Variants in JCHAIN observed in about 807,000 individuals in gnomAD.
JCHAIN encodes the protein immunoglobulin J chain.
Under a neutral mutation model 11.1 loss-of-function variants are expected in JCHAIN, and 5 were observed. That is an observed-to-expected ratio of 0.45 (90% CI 0.24 to 0.95). The LOEUF (loss-of-function observed/expected upper bound fraction) is 0.95. Ranked by LOEUF, JCHAIN falls within the 40% of genes least tolerant of loss-of-function variation. The pLI is 0.21. For synonymous variants in JCHAIN, 51 were observed against 67.8 expected, an observed-to-expected ratio of 0.75 and a Z score of 1.22; for missense variants, 165 against 192.7, an observed-to-expected ratio of 0.86 and a Z score of 0.85.
At position 70,656,120 on chromosome 4, in the gene JCHAIN, G is replaced by C; in HGVS notation, c.*209C>G. On this transcript the variant is annotated 3_prime_UTR_variant, in exon 4 of 4. Coordinates refer to ENST00000254801, the MANE Select transcript of JCHAIN (RefSeq NM_144646.4). ...TAATTGGAAGATTTTGATACTTAGAGTATGAACATATAATTAAGAAGTGAT... is the reference window on the plus strand; with the variant it reads ...TAATTGGAAGATTTTGATACTTAGACTATGAACATATAATTAAGAAGTGAT... The C allele has an allele frequency of 1.8e-6, 1 of 548,244 alleles. No homozygotes were observed. Among genetic ancestry groups the C allele is most frequent in the Admixed American group, 3.4e-5 (1 of 29,248 alleles). 34.0% of individuals were successfully genotyped at this position (548,244 alleles called of 1,614,324 possible). A position where few individuals can be genotyped will look rare whatever the true frequency, so the allele number is the denominator to read the frequency against.
chr4:70,662,889 G>A lies in JCHAIN; in HGVS notation c.65-674C>T, dbSNP rs190723932. On this transcript the variant is annotated intron_variant, in intron 1 of 3. Coordinates refer to ENST00000254801, the MANE Select transcript of JCHAIN (RefSeq NM_144646.4). The stretch of plus-strand genomic sequence containing the variant: ...CAGGAGAATCACTTGAACCTGGGAG[G>A]TGGAGGTTGCAGTGAGCCAAGATCG... 5.0e-3 allele frequency among the ~76,000 whole-genome samples: 760 copies of A among 152,020 alleles called. 11 individuals carry two copies. Among genetic ancestry groups the A allele is most frequent in the African/African-American group, 0.018 (728 of 41,472 alleles).
In JCHAIN at chr4:70,656,419, C is replaced by T. The variant is rs554652827; in HGVS notation, c.390G>A (p.Lys130=). Residue 130 remains lysine, a synonymous_variant, in exon 4 of 4, where the codon AAG becomes AAA. Transcript: ENST00000254801. ...TETCYTYDRN[K]CYTAVVPLVY... is the part of the protein sequence containing the mutation. ...CGAGTGGGACCACAGCTGTGTAGCA[C>T]TTGTTTCTGTCATAAGTGTAGCAGG... 1.2e-6 allele frequency: 2 copies of T among 1,614,030 alleles called. No homozygotes were observed. The highest frequency in any genetic ancestry group is 4.5e-5 in the East Asian group (2 of 44,876).
intron 1 of JCHAIN, among the ~76,000 whole-genome samples, chr4:70,664,524 T>C (rs116058023): frequency 7.6e-4 from 116 of 152,312 alleles, no homozygotes; most frequent in African/African-American, 2.6e-3. Context: ...TTGTAATTGT[T>C]TGAAGTACTT....
chr4:70,661,981 T>A, intron 2 of JCHAIN, 111 bp downstream of exon 2: 1 of 1,025,948 alleles, frequency 9.7e-7, no homozygotes, highest in African/African-American at 1.6e-5. Flanking sequence ...TGTAAAGTGC[T>A]ACACAGCAAA....
At chr4:70,665,232 C>T (rs542611709) in intron 1 of JCHAIN, among the ~76,000 whole-genome samples, 15 of 152,256 alleles carry the variant, frequency 9.9e-5, no homozygotes, top group Middle Eastern at 3.4e-3. Context: ...GTTCTGCTTA[C>T]ACTCTTGCTT....
chr4:70,660,091 C>T (rs1334328305), intron 2 of JCHAIN, among the ~76,000 whole-genome samples: 3 of 152,022 alleles, frequency 2.0e-5, no homozygotes, highest in Admixed American at 1.3e-4. Context: ...GAGGTTTAAA[C>T]GTAAGATAGA....
chr4:70,665,955 A>G, intron 1 of JCHAIN: 1 of 262,294 alleles, frequency 3.8e-6, no homozygotes. Flanking sequence ...GGCAACCTGT[A>G]TAACATTAAA....
chr4:70,666,272 G>A (rs1739151581), intron 1 of JCHAIN, among the ~76,000 whole-genome samples, 155 bp downstream of exon 1: 2 of 152,122 alleles, frequency 1.3e-5, no homozygotes, highest in Admixed American at 1.3e-4. Flanking sequence ...TCTTATCTAT[G>A]TAAAGACAAC....
At chr4:70,659,727 A>T (rs1265579269) in intron 2 of JCHAIN, among the ~76,000 whole-genome samples, 1 of 151,236 alleles carries the variant, frequency 6.6e-6, no homozygotes. Flanking sequence ...CTAGCTGGGC[A>T]TGGTGGTGCG....
intron 1 of JCHAIN, among the ~76,000 whole-genome samples, chr4:70,664,474 G>A (rs1157165870): frequency 6.6e-6 from 1 of 152,100 alleles, no homozygotes; most frequent in African/African-American, 2.4e-5. Flanking sequence ...TTAATGATAA[G>A]AGCCACTACA....
intron 3 of JCHAIN, among the ~76,000 whole-genome samples, chr4:70,656,858 A>G (rs1023684058): frequency 1.1e-4 from 17 of 152,214 alleles, no homozygotes; most frequent in African/African-American, 3.9e-4. Context: ...TAGTGACAAG[A>G]AAGGGAGAAT....
rs184960405 is a variant in JCHAIN, at chr4:70,664,440, A to G, written c.64+1987T>C. ...TCCTGAGACGATTCCCAGAGCAAAG[A>G]GGACCTAATGCAGTATTTCAGTCTT... On this transcript the variant is annotated intron_variant, in intron 1 of 3. Transcript: ENST00000254801. Among the ~76,000 whole-genome samples the G allele has an allele frequency of 5.7e-3, 864 of 152,272 alleles. 6 individuals are homozygous for G. The highest frequency in any genetic ancestry group is 8.6e-3 in the Non-Finnish European group (586 of 68,020).
In JCHAIN at chr4:70,656,313, T is replaced by C; in HGVS notation, c.*16A>G. ...CCTCTCAAGAAAAAGAGCTATGCAG[T>C]CAGCAATGACTTAAATTAGTCAGGA... On this transcript the variant is annotated 3_prime_UTR_variant, in exon 4 of 4. Transcript: ENST00000254801. The C allele has an allele frequency of 1.9e-6, 3 of 1,577,730 alleles. No individual in the cohort carries two copies. The highest frequency in any genetic ancestry group is 2.7e-5 in the African/African-American group (2 of 74,222).
In JCHAIN at chr4:70,656,283, G is replaced by C. The variant is rs1738949596; in HGVS notation, c.*46C>G. The C allele has an allele frequency of 2.3e-6, 3 of 1,292,522 alleles. No individual in the cohort carries two copies. In the East Asian group the frequency reaches 7.0e-5, roughly 30 times the overall value. The allele number at this position is 1,292,522 out of a possible 1,614,324, so 80.1% of individuals were successfully genotyped here. A position where few individuals can be genotyped will look rare whatever the true frequency, so the allele number is the denominator to read the frequency against. On this transcript the variant is annotated 3_prime_UTR_variant, in exon 4 of 4. Coordinates refer to ENST00000254801, the MANE Select transcript of JCHAIN (RefSeq NM_144646.4). The stretch of plus-strand genomic sequence containing the variant: ...TATGCTAACTTTCTGAATCAAAATG[G>C]AGAGCCTCTCAAGAAAAAGAGCTAT...
At chr4:70,659,860 C>T (rs185378430) in intron 2 of JCHAIN, among the ~76,000 whole-genome samples, 68 of 151,966 alleles carry the variant, frequency 4.5e-4, no homozygotes, top group Non-Finnish European at 9.0e-4. Context: ...GAGGGAGACT[C>T]CATCTCAAAA....
intron 2 of JCHAIN, among the ~76,000 whole-genome samples, chr4:70,657,948 C>T (rs1436676091): frequency 1.3e-5 from 2 of 152,138 alleles, no homozygotes; most frequent in African/African-American, 2.4e-5. Flanking sequence ...TGATTGTCAA[C>T]GAGTTCAGGT....
chr4:70,662,082 T>C lies in JCHAIN; in HGVS notation c.188+10A>G, dbSNP rs1447940788. On this transcript the variant is annotated intron_variant, in intron 2 of 3. Coordinates refer to ENST00000254801, the MANE Select transcript of JCHAIN (RefSeq NM_144646.4). ...GAACAGGAAAAAAAGGAATATGGAA[T>C]GCCACATACATAATTCGGATGTTTC... 4.3e-6 allele frequency: 7 copies of C among 1,612,702 alleles called. No homozygotes were observed. The highest frequency in any genetic ancestry group is 2.7e-5 in the African/African-American group (2 of 74,880).
At chr4:70,665,958 A>G (rs1739146183) in intron 1 of JCHAIN, 1 of 246,794 alleles carries the variant, frequency 4.1e-6, no homozygotes, top group Non-Finnish European at 8.5e-6. Context: ...AACCTGTATA[A>G]CATTAAACAT....
At chr4:70,659,549 CAAAAAAAAAAAAAAAAAAAA>C (rs35627461) in intron 2 of JCHAIN, among the ~76,000 whole-genome samples, 2 of 16,552 alleles carry the variant, frequency 1.2e-4, no homozygotes, top group Non-Finnish European at 1.9e-4. Flanking sequence ...GACTCTGTCT[CAAAAAAAAAAAAAAAAAAAA>C]AAAAAAAAAA....
Sources: gnomAD v4.1 joint callset for allele counts (sites outside exome capture counted in the v4.1 genomes callset) on GRCh38, gnomAD v4.1.1 for gene constraint, MANE v1.5 for transcripts, NCBI Gene and HGNC (gene_info 2026-07-23, HGNC 2026-07-21) for gene names.